Variants in FAM227B observed in about 807,000 individuals in gnomAD.
The protein encoded by FAM227B is protein FAM227B.
In FAM227B, 88 loss-of-function variants were observed where a neutral mutation model predicts 73.8. The ratio of observed to expected loss-of-function variants is 1.19; its 90% CI spans 1.00 to 1.42. The LOEUF (loss-of-function observed/expected upper bound fraction) is 1.42. Among genes scored for constraint, FAM227B ranks in the 40% most tolerant of loss-of-function variants. FAM227B has a pLI of 0.00. For missense variants in FAM227B, 632 were observed against 590.9 expected (o/e 1.07, Z -0.72); for synonymous variants, 210 against 190.5 (o/e 1.10, Z -0.84).
intron 11 of FAM227B, among the ~76,000 whole-genome samples, chr15:49,419,225 G>T (rs960664346): frequency 2.0e-5 from 3 of 152,306 alleles, no homozygotes; most frequent in Middle Eastern, 3.4e-3. Flanking sequence ...CGGTGGTGCT[G>T]TGTACAGATA....
At chr15:49,464,892 G>T (rs1460212615) in intron 11 of FAM227B, among the ~76,000 whole-genome samples, 1 of 152,054 alleles carries the variant, frequency 6.6e-6, no homozygotes, top group South Asian at 2.1e-4. Flanking sequence ...AATGAATAAC[G>T]TAAGACATAC....
chr15:49,362,338 T>TCTTGCTTC (rs1457149839), intron 13 of FAM227B, among the ~76,000 whole-genome samples: 1 of 152,124 alleles, frequency 6.6e-6, no homozygotes, highest in Non-Finnish European at 1.5e-5. Flanking sequence ...TGAAGAAGGT[T>TCTTGCTTC]CTTGCTTCCC....
chr15:49,549,392 T>C (rs180706778), intron 9 of FAM227B, among the ~76,000 whole-genome samples: 84 of 151,778 alleles, frequency 5.5e-4, no homozygotes, highest in African/African-American at 1.9e-3. Context: ...GGCAGGGTCA[T>C]AGGACAACAG....
chr15:49,360,567 AACATAG>A (rs35514493), intron 13 of FAM227B, among the ~76,000 whole-genome samples: 62,672 of 151,738 alleles, frequency 0.41, 13,050 homozygotes, highest in African/African-American at 0.43. Flanking sequence ...GGCTTATAAA[AACATAG>A]ACAAAGTATG....
Position 49,406,441 on chromosome 15 carries a change from G to A in FAM227B, c.1013-35042C>T, listed in dbSNP as rs144107063. Among the ~76,000 whole-genome samples, 1,007 of 152,188 alleles carry A rather than the reference G, an allele frequency of 6.6e-3. 6 individuals carry two copies. Among genetic ancestry groups the A allele is most frequent in the Non-Finnish European group, 8.3e-3 (567 of 68,006 alleles). On this transcript the variant is annotated intron_variant, in intron 11 of 15. Coordinates refer to ENST00000299338, the MANE Select transcript of FAM227B (RefSeq NM_152647.3). ...GATAGTGTTGGCACGGTGTTGGGGCGCTGGAGGGCACAGGACTATGTGTGA... is the reference window on the plus strand; with the variant it reads ...GATAGTGTTGGCACGGTGTTGGGGCACTGGAGGGCACAGGACTATGTGTGA...
intron 11 of FAM227B, among the ~76,000 whole-genome samples, chr15:49,473,844 C>T (rs1337576236): frequency 6.6e-6 from 1 of 152,048 alleles, no homozygotes; most frequent in African/African-American, 2.4e-5. Context: ...TAATTCTACA[C>T]ATGCTGTATG....
In FAM227B at chr15:49,366,382, G is replaced by T. The variant is rs1485612012; in HGVS notation, c.1271+1066C>A. The T allele has an allele frequency of 3.8e-6, 3 of 792,936 alleles. No individual in the cohort carries two copies. The East Asian group carries it at 7.3e-5, about 19-fold the overall frequency. The allele number at this position is 792,936 out of a possible 1,614,324, so 49.1% of individuals were successfully genotyped here. A position where few individuals can be genotyped will look rare whatever the true frequency, so the allele number is the denominator to read the frequency against. ...CAGCACCTCTTTTCTGTGCATTTCT[G>T]GTGTTTTCAAGAAAATGGCAGCTGC... On this transcript the variant is annotated intron_variant, in intron 13 of 15. Transcript: ENST00000299338.
chr15:49,416,486 A>G (rs2049221363), intron 11 of FAM227B, among the ~76,000 whole-genome samples: 1 of 152,098 alleles, frequency 6.6e-6, no homozygotes, highest in South Asian at 2.1e-4. Flanking sequence ...TCTATTCAGC[A>G]TCGTATTTGA....
chr15:49,446,339 A>G (rs1427151312), intron 11 of FAM227B, among the ~76,000 whole-genome samples: 1 of 151,644 alleles, frequency 6.6e-6, no homozygotes, highest in African/African-American at 2.4e-5. Flanking sequence ...TTCGATGTAC[A>G]GGTGACATTG....
chr15:49,550,780 C>G (rs148683656), intron 9 of FAM227B, among the ~76,000 whole-genome samples: 1 of 150,622 alleles, frequency 6.6e-6, no homozygotes, highest in East Asian at 2.0e-4. Context: ...CGGGCAGAGA[C>G]ACTCCTCACT....
rs748799826 is a variant in FAM227B, at chr15:49,591,045, A to ATTTTTTTTT, written c.106-1047_106-1039dup. ...CTTTTTTTTGTTTTTTTTTTTTTTGATTTTTTTTTTTTTTTTTTGAGACAG... is the reference window on the plus strand; with the variant it reads ...CTTTTTTTTGTTTTTTTTTTTTTTGATTTTTTTTTTTTTTTTTTTTTTTTTTTGAGACAG... On this transcript the variant is annotated intron_variant, in intron 3 of 15. Transcript: ENST00000299338. Among the ~76,000 whole-genome samples the ATTTTTTTTT allele has an allele frequency of 1.7e-4, 12 of 72,550 alleles. No individual in the cohort carries two copies. In the South Asian group the frequency reaches 1.7e-3, roughly 10 times the overall value. 47.6% of individuals were successfully genotyped at this position (72,550 alleles called of 152,430 possible).
chr15:49,529,362 T>C (rs1434300099), intron 10 of FAM227B, among the ~76,000 whole-genome samples: 3 of 151,578 alleles, frequency 2.0e-5, no homozygotes, highest in Non-Finnish European at 4.4e-5. Context: ...AAATGAACTA[T>C]TGGGTACTGT....
chr15:49,547,252 C>T (rs924718359), intron 9 of FAM227B, among the ~76,000 whole-genome samples: 8 of 151,920 alleles, frequency 5.3e-5, no homozygotes, highest in African/African-American at 1.5e-4. Flanking sequence ...CACCACCAGG[C>T]CTGCCCTAGA....
intron 3 of FAM227B, among the ~76,000 whole-genome samples, chr15:49,600,178 T>C (rs1007486487): frequency 7.2e-5 from 11 of 152,136 alleles, no homozygotes; most frequent in African/African-American, 2.4e-4. Context: ...TTGTCTCTCT[T>C]AAAAGATTTT....
chr15:49,530,456 G>A (rs911415605), intron 10 of FAM227B, among the ~76,000 whole-genome samples: 2 of 151,736 alleles, frequency 1.3e-5, no homozygotes, highest in Non-Finnish European at 3.0e-5. Flanking sequence ...AGTTTTATAA[G>A]GTTATGACTG....
chr15:49,351,758 TA>T (rs1351233021), intron 13 of FAM227B, among the ~76,000 whole-genome samples: 6 of 95,856 alleles, frequency 6.3e-5, no homozygotes, highest in Non-Finnish European at 1.5e-4. Context: ...CAGCTGACCC[TA>T]TAAGGGAGGT....
chr15:49,606,271 G>A (rs2077514685), intron 3 of FAM227B: 1 of 151,808 alleles, frequency 6.6e-6, no homozygotes, highest in Non-Finnish European at 1.5e-5. Context: ...TTTCTCCTAA[G>A]TATTTTTTTT....
At position 49,328,388 on chromosome 15, in the gene FAM227B, A is replaced by T; in HGVS notation, c.*180T>A. 7.0e-7 allele frequency: 1 copy of T among 1,426,832 alleles called. No homozygotes were observed. Among genetic ancestry groups the T allele is most frequent in the Non-Finnish European group, 9.1e-7 (1 of 1,093,368 alleles). 88.4% of individuals were successfully genotyped at this position (1,426,832 alleles called of 1,614,324 possible). On this transcript the variant is annotated 3_prime_UTR_variant, in exon 16 of 16. Coordinates refer to ENST00000299338, the MANE Select transcript of FAM227B (RefSeq NM_152647.3). ...TTAAGAGCCAAGATCATGCTTGGAC[A>T]GATCTTTTAAGAATAACTTACTGAG...
chr15:49,593,780 T>C (rs1479508541), intron 3 of FAM227B, among the ~76,000 whole-genome samples: 1 of 152,252 alleles, frequency 6.6e-6, no homozygotes, highest in Non-Finnish European at 1.5e-5. Context: ...TTCCTTTTTA[T>C]GGCTGAGTAG....
Sources: allele counts gnomAD v4.1 joint callset (sites outside exome capture counted in the v4.1 genomes callset), GRCh38; gene constraint gnomAD v4.1.1; transcripts MANE v1.5; gene names NCBI Gene and HGNC (gene_info 2026-07-23, HGNC 2026-07-21).